BTK: variants seen among roughly 807,000 people sequenced by gnomAD.
The protein encoded by BTK is Bruton tyrosine kinase, also known as tyrosine-protein kinase BTK.
A neutral mutation model predicts 57.4 loss-of-function variants in BTK; 5 were observed. That is an observed-to-expected ratio of 0.09 (90% CI 0.05 to 0.18). The LOEUF (loss-of-function observed/expected upper bound fraction) is 0.18, where lower values mean the gene tolerates loss of function less well. BTK is among the 10% of genes least tolerant of loss of function. The probability of loss-of-function intolerance (pLI) is 1.00; values close to 1 mark genes in which losing one functional copy is unlikely to be tolerated. For missense variants in BTK, 194 were observed against 501.2 expected (o/e 0.39, Z 5.85); for synonymous variants, 154 against 174.3 (o/e 0.88, Z 0.92).
intron 5 of BTK, 145 bp downstream of exon 5, chrX:101,369,853 C>G (rs1395498259): frequency 2.0e-6 from 1 of 508,028 alleles, no homozygotes; most frequent in African/African-American, 2.6e-5. Context: ...CCCTTCTATC[C>G]ATTTTTTTCT....
intron 6 of BTK, 61 bp downstream of exon 6, chrX:101,362,500 C>A: frequency 8.3e-7 from 1 of 1,203,783 alleles, no homozygotes; most frequent in Non-Finnish European, 1.1e-6. Context: ...CTTGACAGAC[C>A]CTTGGGAGAG....
At chrX:101,358,549 G>T in intron 11 of BTK, 68 bp downstream of exon 11, 1 of 1,161,732 alleles carries the variant, frequency 8.6e-7, no homozygotes, top group Non-Finnish European at 1.2e-6. Flanking sequence ...GACGGGCACA[G>T]CATCAAGGAG....
At chrX:101,356,530 A>G (rs1487696991) in intron 14 of BTK, 16 of 450,539 alleles carry the variant, frequency 3.6e-5, no homozygotes, top group Non-Finnish European at 4.2e-5. Context: ...TTCTCTTGAA[A>G]GTTTAATTTT....
intron 10 of BTK, 97 bp from the exon 11 acceptor site, chrX:101,358,793 G>A (rs1926567944): frequency 1.4e-6 from 1 of 704,419 alleles, no homozygotes; most frequent in African/African-American, 2.1e-5. Flanking sequence ...AACAACCCCT[G>A]ATTTTACTGC....
In BTK at chrX:101,349,689, ATT is replaced by A; in HGVS notation, c.*194_*195del. 1 of 445,007 alleles carries A rather than the reference ATT, an allele frequency of 2.2e-6. No homozygotes were observed. The highest frequency in any genetic ancestry group is 4.0e-6 in the Non-Finnish European group (1 of 251,557). 36.7% of individuals were successfully genotyped at this position (445,007 alleles called of 1,213,427 possible). A position where few individuals can be genotyped will look rare whatever the true frequency, so the allele number is the denominator to read the frequency against. On this transcript the variant is annotated 3_prime_UTR_variant, in exon 19 of 19. Coordinates refer to ENST00000308731, the MANE Select transcript of BTK (RefSeq NM_000061.3). ...CTCTCGGGAAATTTCAGGCACAATA[ATT>A]TCTTGGCCTTTGCTCAGAAGCCACT...
In BTK at chrX:101,361,623, A is replaced by T. The variant is rs188139207; in HGVS notation, c.588+550T>A. On this transcript the variant is annotated intron_variant, in intron 7 of 18. Coordinates refer to ENST00000308731, the MANE Select transcript of BTK (RefSeq NM_000061.3). ...CTTCTAACTTTACTGTATGTTTGAAAATACTTTCCAGCTGGGCACGGTGGC... is the reference window on the plus strand; with the variant it reads ...CTTCTAACTTTACTGTATGTTTGAATATACTTTCCAGCTGGGCACGGTGGC... Among the ~76,000 whole-genome samples the T allele has an allele frequency of 3.6e-5, 4 of 111,808 alleles. No individual in the cohort carries two copies. In the Admixed American group the frequency reaches 3.8e-4, roughly 11 times the overall value.
At chrX:101,372,106 T>C (rs782693766) in intron 3 of BTK, among the ~76,000 whole-genome samples, 2 of 112,056 alleles carry the variant, frequency 1.8e-5, no homozygotes, top group South Asian at 7.4e-4. Flanking sequence ...ATTTATATAA[T>C]CCTGTGGGAG....
At chrX:101,375,382 C>CT (rs1927177241) in intron 1 of BTK, 68 bp from the exon 2 acceptor site, 1 of 1,054,395 alleles carries the variant, frequency 9.5e-7, no homozygotes, top group Admixed American at 2.2e-5. Flanking sequence ...CCCCCTCAGC[C>CT]TAGCTACCTA....
intron 1 of BTK, among the ~76,000 whole-genome samples, chrX:101,382,208 C>A (rs2147455158): frequency 9.0e-6 from 1 of 110,792 alleles, no homozygotes; most frequent in South Asian, 3.8e-4. Context: ...GGCATCAAGC[C>A]AAACTCAATT....
At chrX:101,354,019 G>C in intron 16 of BTK, 31 bp from the exon 17 acceptor site, 1 of 1,051,882 alleles carries the variant, frequency 9.5e-7, no homozygotes, top group Non-Finnish European at 1.3e-6. Context: ...GTTGCATTAG[G>C]ATTTGGAGGC....
In BTK at chrX:101,362,543, A is replaced by G. The variant is rs1555978861; in HGVS notation, c.520+18T>C. The G allele has an allele frequency of 4.1e-6, 5 of 1,211,377 alleles. No homozygotes were observed. Among genetic ancestry groups the G allele is most frequent in the Non-Finnish European group, 4.5e-6 (4 of 895,349 alleles). ...AACAGTCAAAGGAGAAAGAAATTATATCGATCAGATTGCTTACTTCCATTC... is the reference window on the plus strand; with the variant it reads ...AACAGTCAAAGGAGAAAGAAATTATGTCGATCAGATTGCTTACTTCCATTC... On this transcript the variant is annotated intron_variant, in intron 6 of 18. Coordinates refer to ENST00000308731, the MANE Select transcript of BTK (RefSeq NM_000061.3).
upstream of BTK, chrX:101,390,440 C>A (rs1927742477): frequency 5.9e-6 from 3 of 511,505 alleles, no homozygotes; most frequent in Non-Finnish European, 1.1e-5. Context: ...GTACTTAGTT[C>A]ATAATTGCAC....
chrX:101,349,698 C>T lies in BTK; in HGVS notation c.*187G>A. On this transcript the variant is annotated 3_prime_UTR_variant, in exon 19 of 19. Transcript: ENST00000308731. The stretch of plus-strand genomic sequence containing the variant: ...AATTTCAGGCACAATAATTTCTTGG[C>T]CTTTGCTCAGAAGCCACTATCCCAG... The T allele has an allele frequency of 2.2e-6, 1 of 451,833 alleles. No homozygotes were observed. The highest frequency in any genetic ancestry group is 3.4e-5 in the East Asian group (1 of 29,261). The allele number at this position is 451,833 out of a possible 1,213,427, so 37.2% of individuals were successfully genotyped here. A position where few individuals can be genotyped will look rare whatever the true frequency, so the allele number is the denominator to read the frequency against.
upstream of BTK, among the ~76,000 whole-genome samples, chrX:101,388,563 C>G (rs1439260243): frequency 8.9e-6 from 1 of 111,807 alleles, no homozygotes; most frequent in Non-Finnish European, 1.9e-5. Context: ...GACTGGATGA[C>G]AGAAGAGGGC....
intron 5 of BTK, among the ~76,000 whole-genome samples, chrX:101,367,200 C>T (rs932850849): frequency 9.7e-6 from 1 of 103,056 alleles, no homozygotes; most frequent in African/African-American, 3.6e-5. Flanking sequence ...GCCAACATCA[C>T]GTCACTCTAC....
intron 1 of BTK, among the ~76,000 whole-genome samples, chrX:101,378,394 C>G (rs1176843505): frequency 9.0e-6 from 1 of 110,618 alleles, no homozygotes; most frequent in African/African-American, 3.3e-5. Flanking sequence ...AGTAAAGGCC[C>G]CAATTTTTTT....
intron 5 of BTK, among the ~76,000 whole-genome samples, chrX:101,368,265 C>G (rs1388049991): frequency 8.9e-6 from 1 of 112,621 alleles, no homozygotes; most frequent in Non-Finnish European, 1.9e-5. Context: ...TTTGTAGCCC[C>G]AGGGCTAAAG....
At chrX:101,377,923 G>A (rs1353627882) in intron 1 of BTK, 3 of 111,362 alleles carry the variant, frequency 2.7e-5, no homozygotes, top group Non-Finnish European at 5.7e-5. Context: ...CTGAAAATGT[G>A]GTAGCTCTTC....
At chrX:101,383,152 A>G (rs996672599) in intron 1 of BTK, among the ~76,000 whole-genome samples, 4 of 112,128 alleles carry the variant, frequency 3.6e-5, no homozygotes, top group Non-Finnish European at 5.6e-5. Context: ...TGTGTTTCTT[A>G]TAATATTTGA....
Sources: gnomAD v4.1 joint callset for allele counts (sites outside exome capture counted in the v4.1 genomes callset) on GRCh38, gnomAD v4.1.1 for gene constraint, MANE v1.5 for transcripts, NCBI Gene and HGNC (gene_info 2026-07-23, HGNC 2026-07-21) for gene names.